Variants in EXOC6 observed in about 807,000 individuals in gnomAD.
EXOC6 encodes exocyst complex component 6, also known as SEC15-like 1.
EXOC6 carries 60 observed loss-of-function variants against 112.5 expected under a neutral mutation model. The observed-to-expected ratio is 0.53, with a 90% CI of 0.43 to 0.66. EXOC6 has a LOEUF of 0.66. EXOC6 is among the 30% of genes least tolerant of loss of function. EXOC6 has a pLI of 0.00. For synonymous variants in EXOC6, 295 were observed against 308.0 expected, an observed-to-expected ratio of 0.96 and a Z score of 0.44; for missense variants, 855 against 957.1, an observed-to-expected ratio of 0.89 and a Z score of 1.41.
At chr10:92,937,614 G>A (rs191161314) in intron 12 of EXOC6, among the ~76,000 whole-genome samples, 1 of 152,066 alleles carries the variant, frequency 6.6e-6, no homozygotes, top group South Asian at 2.1e-4. Flanking sequence ...AGCGGGATAA[G>A]GTGGGATTTT....
chr10:93,046,637 A>C (rs1846012178), intron 20 of EXOC6, among the ~76,000 whole-genome samples: 1 of 149,104 alleles, frequency 6.7e-6, no homozygotes, highest in Non-Finnish European at 1.5e-5. Context: ...TGTTCTTGTC[A>C]CCCAGGTTGG....
intron 20 of EXOC6, among the ~76,000 whole-genome samples, chr10:93,029,484 G>C (rs1845177296): frequency 6.6e-6 from 1 of 152,068 alleles, no homozygotes; most frequent in Admixed American, 6.6e-5. Flanking sequence ...TCTCTATTGG[G>C]TTGTCTATGT....
intron 1 of EXOC6, among the ~76,000 whole-genome samples, chr10:92,871,925 T>C (rs958806881): frequency 6.6e-6 from 1 of 152,192 alleles, no homozygotes; most frequent in East Asian, 1.9e-4. Context: ...GTATTTGTAA[T>C]TTCAGTCATT....
intron 1 of EXOC6, among the ~76,000 whole-genome samples, chr10:92,874,174 G>T (rs1484767123): frequency 1.3e-5 from 2 of 152,084 alleles, no homozygotes; most frequent in Non-Finnish European, 2.9e-5. Context: ...TATAGCATTG[G>T]TTTGAATACC....
intron 20 of EXOC6, among the ~76,000 whole-genome samples, chr10:93,025,596 A>C (rs931822354): frequency 6.6e-6 from 1 of 152,186 alleles, no homozygotes; most frequent in Non-Finnish European, 1.5e-5. Context: ...TCTTGTTTTC[A>C]AGTATTTAAT....
intron 9 of EXOC6, among the ~76,000 whole-genome samples, chr10:92,931,912 A>AC (rs1852062499): frequency 6.6e-6 from 1 of 152,088 alleles, no homozygotes; most frequent in African/African-American, 2.4e-5. Flanking sequence ...CTCTTCTATG[A>AC]CCTAGCAGTC....
chr10:92,993,154 T>C (rs927347254), intron 18 of EXOC6, among the ~76,000 whole-genome samples: 3 of 152,294 alleles, frequency 2.0e-5, no homozygotes, highest in Non-Finnish European at 4.4e-5. Context: ...TTATTTCGTT[T>C]TTCCTTTTTT....
intron 20 of EXOC6, among the ~76,000 whole-genome samples, chr10:93,031,443 T>C (rs925611755): frequency 6.6e-6 from 1 of 152,062 alleles, no homozygotes; most frequent in Admixed American, 6.5e-5. Context: ...TCTGATCTAA[T>C]ATGTTCTCAT....
chr10:92,991,140 T>C (rs199602801), intron 18 of EXOC6, among the ~76,000 whole-genome samples: 11 of 141,344 alleles, frequency 7.8e-5, no homozygotes, highest in South Asian at 2.2e-4. Flanking sequence ...TTTTTTTTTT[T>C]CCCAAGACAG....
At chr10:93,019,278 C>G (rs1844675389) in intron 20 of EXOC6, among the ~76,000 whole-genome samples, 1 of 152,124 alleles carries the variant, frequency 6.6e-6, no homozygotes, top group South Asian at 2.1e-4. Flanking sequence ...CCACACTTGG[C>G]CCAAAATGAT....
rs1853651136 is a variant in EXOC6, at chr10:92,955,642, T to C, written c.1701T>C (p.Phe567=). Residue 567 remains phenylalanine (F), a synonymous_variant, in exon 17 of 22, where the codon TTT becomes TTC. Transcript: ENST00000260762. ...LEQACKYLED[F]ITNITNISQE... ...AAGCTTGTAAATATCTTGAGGACTTTATAACTAACATTACAAATATTTCCC... is the reference window on the plus strand; with the variant it reads ...AAGCTTGTAAATATCTTGAGGACTTCATAACTAACATTACAAATATTTCCC... 2 of 1,611,702 alleles carry C rather than the reference T, an allele frequency of 1.2e-6. No individual in the cohort carries two copies. Among genetic ancestry groups the C allele is most frequent in the South Asian group, 1.1e-5 (1 of 90,984 alleles).
intron 17 of EXOC6, among the ~76,000 whole-genome samples, chr10:92,960,008 G>C (rs1853898314): frequency 6.6e-6 from 1 of 152,170 alleles, no homozygotes; most frequent in South Asian, 2.1e-4. Context: ...TGTGCTTCTT[G>C]GTATTTATCC....
At chr10:92,968,430 C>T (rs1425477480) in intron 17 of EXOC6, among the ~76,000 whole-genome samples, 1 of 152,180 alleles carries the variant, frequency 6.6e-6, no homozygotes. Flanking sequence ...AAGTGATCCT[C>T]CTGCCTCAGC....
intron 1 of EXOC6, among the ~76,000 whole-genome samples, chr10:92,863,386 T>C (rs1374001228): frequency 6.6e-6 from 1 of 152,212 alleles, no homozygotes; most frequent in Non-Finnish European, 1.5e-5. Flanking sequence ...ACAAACCTAA[T>C]AGTTTCTTGC....
Position 92,979,379 on chromosome 10 carries a change from A to T in EXOC6, c.1953+5147A>T, listed in dbSNP as rs528418903. On this transcript the variant is annotated intron_variant, in intron 18 of 21. Transcript: ENST00000260762. ...TCATGATGTGCAATTGCTGATGACC[A>T]TTGCCTAGTGAAAAGTTCCATTTGT... is the stretch of plus-strand genomic sequence containing the variant. 1.7e-3 allele frequency among the ~76,000 whole-genome samples: 256 copies of T among 152,328 alleles called. 3 individuals are homozygous for T. Among genetic ancestry groups the T allele is most frequent in the South Asian group, 0.011 (51 of 4,824 alleles).
In EXOC6 at chr10:92,880,787, G is replaced by A. The variant is rs189357843; in HGVS notation, c.102-12562G>A. Among the ~76,000 whole-genome samples the A allele has an allele frequency of 1.6e-3, 237 of 152,024 alleles. 2 individuals are homozygous for A. The highest frequency in any genetic ancestry group is 2.6e-3 in the Non-Finnish European group (176 of 67,984). On this transcript the variant is annotated intron_variant, in intron 1 of 21. Coordinates refer to ENST00000260762, the MANE Select transcript of EXOC6 (RefSeq NM_019053.6). ...AATTAGTATTGAAGCATATGGAGGG[G>A]GAAGGGCATCCAGGGGTAGAAAATA...
At chr10:92,877,056 C>T (rs1246632508) in intron 1 of EXOC6, among the ~76,000 whole-genome samples, 1 of 151,954 alleles carries the variant, frequency 6.6e-6, no homozygotes, top group African/African-American at 2.4e-5. Context: ...TTTTGTCATC[C>T]CTGAACGGGA....
chr10:92,916,630 T>C (rs1056214307), intron 7 of EXOC6, among the ~76,000 whole-genome samples: 3 of 152,244 alleles, frequency 2.0e-5, no homozygotes, highest in African/African-American at 7.2e-5. Flanking sequence ...CAGTGAACTT[T>C]CTTTCAAAAC....
At chr10:92,934,521 A>G (rs1391698253) in intron 11 of EXOC6, 91 bp downstream of exon 11, 1 of 1,081,450 alleles carries the variant, frequency 9.2e-7, no homozygotes, top group East Asian at 2.8e-5. Flanking sequence ...CTGTACCTCC[A>G]TCATTCTGCA....
Sources: allele counts gnomAD v4.1 joint callset (sites outside exome capture counted in the v4.1 genomes callset), GRCh38; gene constraint gnomAD v4.1.1; transcripts MANE v1.5; gene names NCBI Gene and HGNC (gene_info 2026-07-23, HGNC 2026-07-21).